Variants in RIMS2 observed in about 807,000 individuals in gnomAD.
RIMS2 encodes regulating synaptic membrane exocytosis protein 2.
RIMS2 carries 59 observed loss-of-function variants against 174.4 expected under a neutral mutation model. That is an observed-to-expected ratio of 0.34 (90% CI 0.27 to 0.42). The LOEUF (loss-of-function observed/expected upper bound fraction) is 0.42. Among genes scored for constraint, RIMS2 ranks in the 10% least tolerant of loss-of-function variants. The pLI is 1.00. For synonymous variants in RIMS2, 606 were observed against 572.5 expected (o/e 1.06, Z -0.84); for missense variants, 1,620 against 1,666.3 (o/e 0.97, Z 0.48).
At chr8:103,580,004 G>C (rs566590361) in intron 1 of RIMS2, among the ~76,000 whole-genome samples, 1 of 152,046 alleles carries the variant, frequency 6.6e-6, no homozygotes, top group Admixed American at 6.6e-5. Context: ...ATCCGCCCCC[G>C]TGATCCAATC....
At chr8:104,203,494 C>CTTTTTTTTTTTTTTTTT (rs10545100) in intron 19 of RIMS2, among the ~76,000 whole-genome samples, 1 of 72,762 alleles carries the variant, frequency 1.4e-5, no homozygotes, top group Non-Finnish European at 2.3e-5. Context: ...AGACACTGTA[C>CTTTTTTTTTTTTTTTTT]TTTTTTTTTT....
At chr8:104,164,093 C>T (rs2098781374) in intron 19 of RIMS2, among the ~76,000 whole-genome samples, 1 of 152,182 alleles carries the variant, frequency 6.6e-6, no homozygotes, top group Admixed American at 6.5e-5. Flanking sequence ...TTATCAAATC[C>T]TTTCCAGTCC....
At chr8:103,758,308 C>G (rs959964357) in intron 2 of RIMS2, among the ~76,000 whole-genome samples, 17 of 152,138 alleles carry the variant, frequency 1.1e-4, no homozygotes, top group African/African-American at 3.9e-4. Flanking sequence ...TTGCCTCAAT[C>G]TTGGTATTGA....
intron 3 of RIMS2, among the ~76,000 whole-genome samples, chr8:103,830,520 C>T (rs769858596): frequency 6.6e-6 from 1 of 152,164 alleles, no homozygotes; most frequent in African/African-American, 2.4e-5. Context: ...ATTTGTTCTA[C>T]TGCCCACTGT....
At chr8:103,653,392 T>C (rs963360808) in intron 1 of RIMS2, among the ~76,000 whole-genome samples, 6 of 152,210 alleles carry the variant, frequency 3.9e-5, no homozygotes, top group Admixed American at 3.9e-4. Context: ...TTATTTATGT[T>C]GTGAAGTTGA....
At chr8:103,592,307 T>A (rs191748534) in intron 1 of RIMS2, among the ~76,000 whole-genome samples, 54 of 151,364 alleles carry the variant, frequency 3.6e-4, no homozygotes, top group Admixed American at 3.2e-3. Context: ...GTAATGATTC[T>A]ACAAATAAAA....
chr8:104,099,364 T>A (rs1359265993), intron 19 of RIMS2, among the ~76,000 whole-genome samples: 1 of 152,200 alleles, frequency 6.6e-6, no homozygotes, highest in Admixed American at 6.5e-5. Context: ...TGTATTTTCT[T>A]TTTTGTTGTT....
intron 19 of RIMS2, 35 bp downstream of exon 21, chr8:104,014,650 T>C: frequency 1.5e-6 from 2 of 1,311,694 alleles, no homozygotes; most frequent in Non-Finnish European, 2.2e-6. Flanking sequence ...GTTTAGGAAA[T>C]ACACATGGAA....
rs530080390 is a variant in RIMS2, at chr8:103,773,786, C to T, written c.698+7249C>T. On this transcript the variant is annotated intron_variant, in intron 3 of 23. Coordinates refer to ENST00000504942, the Ensembl canonical transcript of RIMS2. ...TTTGATATACCCACTAGAAATCCTA[C>T]GATTTAAAACAACAAAAATCCTGAC... Among the ~76,000 whole-genome samples, 6 of 152,154 alleles carry T rather than the reference C, an allele frequency of 3.9e-5. No homozygotes were observed. The East Asian group carries it at 7.7e-4, about 20-fold the overall frequency.
intron 1 of RIMS2, among the ~76,000 whole-genome samples, chr8:103,689,509 A>G (rs1294256934): frequency 6.6e-6 from 1 of 152,164 alleles, no homozygotes; most frequent in African/African-American, 2.4e-5. Flanking sequence ...TAGCTCTAAT[A>G]ATATTTACTT....
chr8:103,643,330 A>G (rs1052196141), intron 1 of RIMS2, among the ~76,000 whole-genome samples: 2 of 151,882 alleles, frequency 1.3e-5, no homozygotes, highest in African/African-American at 4.8e-5. Context: ...TACGTTTTAC[A>G]TTGGAACTCT....
chr8:104,093,477 T>C, intron 19 of RIMS2: 1 of 1,594,984 alleles, frequency 6.3e-7, no homozygotes, highest in Non-Finnish European at 8.5e-7. Context: ...ACAGTATCGA[T>C]CAGGATGGGA....
chr8:104,087,474 A>G (rs940326244), intron 19 of RIMS2, among the ~76,000 whole-genome samples: 17 of 152,112 alleles, frequency 1.1e-4, no homozygotes, highest in African/African-American at 2.7e-4. Context: ...GTTGAGGAAC[A>G]TTCGAAGCAG....
At chr8:103,737,175 CTTTTTTTTTTT>C (rs554949027) in intron 2 of RIMS2, among the ~76,000 whole-genome samples, 26 of 67,504 alleles carry the variant, frequency 3.9e-4, no homozygotes, top group African/African-American at 1.1e-3. Flanking sequence ...TTTCTTTGTT[CTTTTTTTTTTT>C]TTTTTTTTTT....
chr8:103,587,095 G>C (rs1356303829), intron 1 of RIMS2, among the ~76,000 whole-genome samples: 1 of 151,778 alleles, frequency 6.6e-6, no homozygotes, highest in African/African-American at 2.4e-5. Flanking sequence ...CCAATAAATT[G>C]GAAAATCTAG....
chr8:104,179,350 TA>T (rs1428392208), intron 19 of RIMS2, among the ~76,000 whole-genome samples: 1 of 152,048 alleles, frequency 6.6e-6, no homozygotes, highest in Admixed American at 6.6e-5. Context: ...AAACTTTTTG[TA>T]ATCCCTCAAT....
intron 3 of RIMS2, among the ~76,000 whole-genome samples, chr8:103,876,363 C>G (rs2099136723): frequency 6.6e-6 from 1 of 151,314 alleles, no homozygotes; most frequent in African/African-American, 2.4e-5. Context: ...ACAAGGTATC[C>G]CTTCCCCAGT....
intron 3 of RIMS2, among the ~76,000 whole-genome samples, chr8:103,844,398 A>C (rs193282078): frequency 6.6e-6 from 1 of 152,304 alleles, no homozygotes; most frequent in African/African-American, 2.4e-5. Context: ...TCCATATTTC[A>C]TTAAAGGTTT....
chr8:103,537,005 C>T (rs1471371953), intron 1 of RIMS2, among the ~76,000 whole-genome samples: 1 of 152,200 alleles, frequency 6.6e-6, no homozygotes, highest in Non-Finnish European at 1.5e-5. Context: ...ATTCATTGAA[C>T]TTTTAATTCA....
Sources: gnomAD v4.1 joint callset for allele counts (sites outside exome capture counted in the v4.1 genomes callset) on GRCh38, gnomAD v4.1.1 for gene constraint, MANE v1.5 for transcripts, NCBI Gene and HGNC (gene_info 2026-07-23, HGNC 2026-07-21) for gene names.